Variants in ZC2HC1A observed in about 807,000 individuals in gnomAD.
ZC2HC1A encodes the protein zinc finger C2HC domain-containing protein 1A.
A neutral mutation model predicts 40.7 loss-of-function variants in ZC2HC1A; 28 were observed. The observed-to-expected ratio is 0.69, with a 90% CI of 0.51 to 0.94. The LOEUF (loss-of-function observed/expected upper bound fraction) is 0.94, where lower values mean the gene tolerates loss of function less well. Ranked by LOEUF, ZC2HC1A falls within the 40% of genes least tolerant of loss-of-function variation. The probability of loss-of-function intolerance (pLI) is 0.00; values close to 1 mark genes in which losing one functional copy is unlikely to be tolerated. For synonymous variants in ZC2HC1A, 129 were observed against 129.2 expected (o/e 1.00, Z 0.01); for missense variants, 389 against 386.3 (o/e 1.01, Z -0.06).
chr8:78,692,944 A>G (rs907823088), intron 5 of ZC2HC1A, among the ~76,000 whole-genome samples: 4 of 151,700 alleles, frequency 2.6e-5, no homozygotes, highest in African/African-American at 7.3e-5. Flanking sequence ...AAGTGCTCTC[A>G]TTGTTCAATT....
chr8:78,669,947 ATTTC>A (rs1012478234), intron 1 of ZC2HC1A, among the ~76,000 whole-genome samples: 226 of 142,740 alleles, frequency 1.6e-3, no homozygotes, highest in Middle Eastern at 0.011. Flanking sequence ...GAATGAATGT[ATTTC>A]TTTCTTTCTT....
intron 2 of ZC2HC1A, among the ~76,000 whole-genome samples, chr8:78,676,759 A>G (rs1415526309): frequency 1.3e-5 from 2 of 151,952 alleles, no homozygotes; most frequent in Non-Finnish European, 2.9e-5. Context: ...CACACATTCA[A>G]TGATTTTTTT....
intron 7 of ZC2HC1A, among the ~76,000 whole-genome samples, chr8:78,700,037 C>T (rs1168026676): frequency 1.3e-5 from 2 of 152,110 alleles, no homozygotes; most frequent in Non-Finnish European, 2.9e-5. Flanking sequence ...TGAGGAATTG[C>T]CACACTGTCT....
intron 5 of ZC2HC1A, among the ~76,000 whole-genome samples, chr8:78,691,772 A>G (rs370464192): frequency 4.6e-5 from 7 of 152,022 alleles, no homozygotes; most frequent in Non-Finnish European, 7.4e-5. Flanking sequence ...ACCCATATCT[A>G]TGGATATTTT....
At chr8:78,682,755 A>G (rs1477586094) in intron 3 of ZC2HC1A, among the ~76,000 whole-genome samples, 1 of 152,190 alleles carries the variant, frequency 6.6e-6, no homozygotes, top group East Asian at 1.9e-4. Context: ...TTTCAGCATT[A>G]ACCCTAAAGT....
chr8:78,687,878 T>G (rs1810070413), intron 4 of ZC2HC1A, among the ~76,000 whole-genome samples: 1 of 130,854 alleles, frequency 7.6e-6, no homozygotes, highest in Admixed American at 9.1e-5. Flanking sequence ...ATAATAAATA[T>G]ATATTTATAT....
At chr8:78,694,961 A>G (rs1299909514) in intron 5 of ZC2HC1A, among the ~76,000 whole-genome samples, 1 of 152,136 alleles carries the variant, frequency 6.6e-6, no homozygotes, top group African/African-American at 2.4e-5. Flanking sequence ...AGCACACAAA[A>G]CCGTTGATTG....
At chr8:78,709,968 G>A (rs1371808017) in intron 7 of ZC2HC1A, among the ~76,000 whole-genome samples, 1 of 152,000 alleles carries the variant, frequency 6.6e-6, no homozygotes, top group Non-Finnish European at 1.5e-5. Context: ...ACTCCTACAA[G>A]GTACCTAGTA....
At chr8:78,677,903 A>G (rs1160135905) in intron 2 of ZC2HC1A, among the ~76,000 whole-genome samples, 1 of 152,132 alleles carries the variant, frequency 6.6e-6, no homozygotes, top group Admixed American at 6.5e-5. Context: ...GCCCACTTTT[A>G]TGGTTATTTC....
chr8:78,693,340 T>C (rs1046379737), intron 5 of ZC2HC1A, among the ~76,000 whole-genome samples: 29 of 151,826 alleles, frequency 1.9e-4, no homozygotes, highest in African/African-American at 7.0e-4. Context: ...TAGTTTACAG[T>C]CCCACCAACA....
chr8:78,708,151 G>A (rs1450370560), intron 7 of ZC2HC1A, among the ~76,000 whole-genome samples: 1 of 152,120 alleles, frequency 6.6e-6, no homozygotes, highest in African/African-American at 2.4e-5. Flanking sequence ...TTGAGTAAAG[G>A]TTGAATTAAG....
At chr8:78,700,319 TTTTTTTTCTTGTAAGTTTC>T (rs1177102790) in intron 7 of ZC2HC1A, among the ~76,000 whole-genome samples, 24 of 152,080 alleles carry the variant, frequency 1.6e-4, no homozygotes, top group Middle Eastern at 3.4e-3. Context: ...GGATTGTTTG[TTTTTTTTCTTGTAAGTTTC>T]TTTTTTTCTT....
At chr8:78,707,147 A>G (rs1810799022) in intron 7 of ZC2HC1A, among the ~76,000 whole-genome samples, 3 of 152,236 alleles carry the variant, frequency 2.0e-5, no homozygotes, top group Non-Finnish European at 4.4e-5. Context: ...ACCATATCAC[A>G]GAGAATTGGC....
chr8:78,683,701 A>G (rs1809863673), intron 3 of ZC2HC1A, among the ~76,000 whole-genome samples: 1 of 151,976 alleles, frequency 6.6e-6, no homozygotes, highest in Non-Finnish European at 1.5e-5. Flanking sequence ...TACTCATGCA[A>G]ATTTTTTCAG....
intron 1 of ZC2HC1A, among the ~76,000 whole-genome samples, chr8:78,672,193 G>A (rs754300583): frequency 9.9e-5 from 15 of 151,970 alleles, no homozygotes; most frequent in Non-Finnish European, 1.6e-4. Flanking sequence ...TATTTATCAT[G>A]ATCTGGGTAG....
intron 1 of ZC2HC1A, among the ~76,000 whole-genome samples, chr8:78,669,319 G>A (rs1809379712): frequency 7.0e-6 from 1 of 142,850 alleles, no homozygotes; most frequent in Non-Finnish European, 1.5e-5. Flanking sequence ...AAAAAATGGA[G>A]CTATTAAATA....
In ZC2HC1A at chr8:78,714,759, T is replaced by G. The variant is rs560813749; in HGVS notation, c.705-462T>G. Among the ~76,000 whole-genome samples the G allele has an allele frequency of 2.0e-5, 3 of 152,320 alleles. No individual in the cohort carries two copies. The South Asian group carries it at 6.2e-4, about 32-fold the overall frequency. Reference sequence around the variant, plus strand: ...ACTCATTTATTTTAGTTGCTGCTTTTTAGAACTTTCATAAGTTGAATATTA... The same window carrying G: ...ACTCATTTATTTTAGTTGCTGCTTTGTAGAACTTTCATAAGTTGAATATTA... On this transcript the variant is annotated intron_variant, in intron 7 of 8. Coordinates refer to ENST00000263849, the MANE Select transcript of ZC2HC1A (RefSeq NM_016010.3).
At chr8:78,685,807 C>T (rs1334195790) in intron 3 of ZC2HC1A, 4 of 152,164 alleles carry the variant, frequency 2.6e-5, no homozygotes, top group Admixed American at 6.6e-5. Context: ...CAGGGAAATA[C>T]ACTGTGTTAG....
At chr8:78,687,840 T>TATATATTTATATAATATATATATAATAA (rs1563627108) in intron 4 of ZC2HC1A, among the ~76,000 whole-genome samples, 2 of 13,820 alleles carry the variant, frequency 1.4e-4, no homozygotes, top group Admixed American at 2.2e-3. Flanking sequence ...TAATAAATTA[T>TATATATTTATATAATATATATATAATAA]ATATATATTT....
Sources: allele counts gnomAD v4.1 joint callset (sites outside exome capture counted in the v4.1 genomes callset), GRCh38; gene constraint gnomAD v4.1.1; transcripts MANE v1.5; gene names NCBI Gene and HGNC (gene_info 2026-07-23, HGNC 2026-07-21).